Variants in NFIB observed in about 807,000 individuals in gnomAD.
NFIB encodes the protein nuclear factor I B, also known as nuclear factor 1 B-type.
Under a neutral mutation model 61.5 loss-of-function variants are expected in NFIB, and 11 were observed. The ratio of observed to expected loss-of-function variants is 0.18; its 90% CI spans 0.11 to 0.30. NFIB has a LOEUF of 0.30. Among genes scored for constraint, NFIB ranks in the 10% least tolerant of loss-of-function variants. NFIB has a pLI of 1.00. For synonymous variants in NFIB, 260 were observed against 216.5 expected, an observed-to-expected ratio of 1.20 and a Z score of -1.76; for missense variants, 471 against 608.9, an observed-to-expected ratio of 0.77 and a Z score of 2.38.
intron 2 of NFIB, among the ~76,000 whole-genome samples, chr9:14,241,522 C>G (rs1027971995): frequency 1.3e-4 from 20 of 148,390 alleles, no homozygotes; most frequent in African/African-American, 4.7e-4. Flanking sequence ...CAAAAAAAAA[C>G]AGATATTGTC....
At chr9:14,276,480 T>C (rs963777530) in intron 2 of NFIB, among the ~76,000 whole-genome samples, 8 of 152,144 alleles carry the variant, frequency 5.3e-5, no homozygotes, top group African/African-American at 1.4e-4. Context: ...GAAAGGAAGA[T>C]AAATTGTAAT....
chr9:14,481,229 A>G, the NFIB span, among the ~76,000 whole-genome samples: 1 of 117,950 alleles, frequency 8.5e-6, no homozygotes, highest in Non-Finnish European at 1.8e-5. Flanking sequence ...ATATATATAT[A>G]TATGTAGCTT....
intron 4 of NFIB, among the ~76,000 whole-genome samples, chr9:14,154,224 G>A (rs563385443): frequency 6.6e-6 from 1 of 151,968 alleles, no homozygotes; most frequent in East Asian, 1.9e-4. Flanking sequence ...CTATCATGAG[G>A]TACTAAATAA....
rs749301564 is a variant in NFIB, at chr9:14,307,494, T to C, written c.57A>G (p.Ala19=). The change falls in exon 2 of 11, where the codon GCA becomes GCG. Residue 19 remains alanine (A), a synonymous_variant. Transcript: ENST00000380953. This position sits in a 1 kb window ranked among gnomAD's most constrained non-coding sequence, Gnocchi z 5.3. ...TQDEFHPFIE[A]LLPHVRAIAY... Reference sequence around the variant, plus strand: ...CAATTGCACGGACATGTGGAAGAAGTGCCTCGATGAATGGGTGAAATTCAT... The same window carrying C: ...CAATTGCACGGACATGTGGAAGAAGCGCCTCGATGAATGGGTGAAATTCAT... 1.4e-5 allele frequency: 22 copies of C among 1,607,350 alleles called. No individual in the cohort carries two copies. The highest frequency in any genetic ancestry group is 1.9e-5 in the Non-Finnish European group (22 of 1,175,340).
chr9:14,392,969 C>T (rs762156349), intron 1 of NFIB, among the ~76,000 whole-genome samples: 5 of 152,184 alleles, frequency 3.3e-5, no homozygotes, highest in Non-Finnish European at 5.9e-5. Flanking sequence ...AGTGTTTATT[C>T]ATGTTTTTAC....
chr9:14,104,915 G>A (rs1351373200), intron 10 of NFIB, among the ~76,000 whole-genome samples: 3 of 152,072 alleles, frequency 2.0e-5, no homozygotes, highest in African/African-American at 7.2e-5. Context: ...GGGGCTCTCA[G>A]CTTAGGTTGG....
chr9:14,439,356 C>A, the NFIB span, among the ~76,000 whole-genome samples: 1 of 152,072 alleles, frequency 6.6e-6, no homozygotes, highest in Non-Finnish European at 1.5e-5. Flanking sequence ...GGTGACAGAA[C>A]GAGGCACAGG....
At chr9:14,236,521 T>C (rs1027719799) in intron 2 of NFIB, among the ~76,000 whole-genome samples, 8 of 152,192 alleles carry the variant, frequency 5.3e-5, no homozygotes, top group Non-Finnish European at 2.9e-5. Flanking sequence ...TTTAGGACGA[T>C]GCATGTGGAA....
intron 1 of NFIB, among the ~76,000 whole-genome samples, chr9:14,328,831 A>AAC (rs1410873671): frequency 7.2e-5 from 11 of 152,230 alleles, no homozygotes; most frequent in African/African-American, 2.7e-4. Flanking sequence ...GAGATTAAGA[A>AAC]ACAAAACTGG....
chr9:14,151,177 A>G (rs1214933000), intron 4 of NFIB, among the ~76,000 whole-genome samples: 1 of 152,168 alleles, frequency 6.6e-6, no homozygotes, highest in East Asian at 1.9e-4. Flanking sequence ...ATAAGAGCCT[A>G]GAATCATGCC....
At chr9:14,175,470 A>G (rs774065533) in intron 3 of NFIB, among the ~76,000 whole-genome samples, 1 of 152,114 alleles carries the variant, frequency 6.6e-6, no homozygotes, top group Non-Finnish European at 1.5e-5. Context: ...CACCACGCCC[A>G]GCCAGCGACT....
At chr9:14,470,981 GACC>G in the NFIB span, among the ~76,000 whole-genome samples, 5 of 152,264 alleles carry the variant, frequency 3.3e-5, no homozygotes, top group South Asian at 1.0e-3. Context: ...GCTGACCTTG[GACC>G]TGAAATGGTT....
intron 1 of NFIB, among the ~76,000 whole-genome samples, chr9:14,383,613 G>T (rs2061513746): frequency 6.6e-6 from 1 of 152,190 alleles, no homozygotes; most frequent in African/African-American, 2.4e-5. Context: ...TTCAAGTTCT[G>T]TTAAGAACAT....
At chr9:14,388,471 G>A (rs1218493830) in intron 1 of NFIB, among the ~76,000 whole-genome samples, 1 of 149,198 alleles carries the variant, frequency 6.7e-6, no homozygotes, top group Non-Finnish European at 1.5e-5. Context: ...AAGAAAAAGA[G>A]AGAGAGAGAG....
At chr9:14,251,227 G>A (rs918056396) in intron 2 of NFIB, among the ~76,000 whole-genome samples, 1 of 152,126 alleles carries the variant, frequency 6.6e-6, no homozygotes, top group African/African-American at 2.4e-5. Context: ...CACTGAATGA[G>A]GAATTAGAAC....
chr9:14,442,486 C>A, the NFIB span, among the ~76,000 whole-genome samples: 126,836 of 152,038 alleles, frequency 0.83, 53,052 homozygotes, highest in East Asian at 0.94. Flanking sequence ...TGGGTGGCTT[C>A]AACAGCAGAG....
intron 1 of NFIB, among the ~76,000 whole-genome samples, chr9:14,330,986 C>T (rs761240818): frequency 3.9e-5 from 6 of 152,070 alleles, no homozygotes; most frequent in African/African-American, 7.2e-5. Flanking sequence ...CAAGCTTTTT[C>T]GGGGGCATTT....
At chr9:14,227,642 T>C (rs1397558813) in intron 2 of NFIB, among the ~76,000 whole-genome samples, 1 of 152,248 alleles carries the variant, frequency 6.6e-6, no homozygotes, top group Admixed American at 6.5e-5. Context: ...ATGTTGTTGA[T>C]GATAATAACC....
chr9:14,331,132 T>A (rs2060816512), intron 1 of NFIB, among the ~76,000 whole-genome samples: 1 of 152,322 alleles, frequency 6.6e-6, no homozygotes, highest in African/African-American at 2.4e-5. Context: ...AGACAAGTGA[T>A]AATAATTACT....
Sources: allele counts gnomAD v4.1 joint callset (sites outside exome capture counted in the v4.1 genomes callset), GRCh38; gene constraint gnomAD v4.1.1; non-coding constraint Gnocchi (gnomAD v3.1); transcripts MANE v1.5; gene names NCBI Gene and HGNC (gene_info 2026-07-23, HGNC 2026-07-21).